Variants in TSG101 observed in about 807,000 individuals in gnomAD.
The protein encoded by TSG101 is tumor susceptibility gene 101 protein.
A neutral mutation model predicts 48.5 loss-of-function variants in TSG101; 19 were observed. The ratio of observed to expected loss-of-function variants is 0.39; its 90% CI spans 0.27 to 0.58. The LOEUF is 0.58. TSG101 is among the 20% of genes least tolerant of loss of function. TSG101 has a pLI of 0.55. For missense variants in TSG101, 365 were observed against 484.4 expected, an observed-to-expected ratio of 0.75 and a Z score of 2.31; for synonymous variants, 174 against 169.4, an observed-to-expected ratio of 1.03 and a Z score of -0.21.
chr11:18,497,509 C>A lies in TSG101; in HGVS notation c.640+4977G>T, dbSNP rs148585509. Among the ~76,000 whole-genome samples, 898 of 152,276 alleles carry A rather than the reference C, an allele frequency of 5.9e-3. 9 individuals carry two copies. Among genetic ancestry groups the A allele is most frequent in the African/African-American group, 0.021 (866 of 41,560 alleles). ...CTGATTCCACATATACCATTTTCCA[C>A]ACATTTCTATTCTTTGGATATATGG... is the stretch of plus-strand genomic sequence containing the variant. On this transcript the variant is annotated intron_variant, in intron 7 of 9. Transcript: ENST00000251968.
At chr11:18,525,027 C>G (rs1202090385) in intron 1 of TSG101, among the ~76,000 whole-genome samples, 1 of 151,342 alleles carries the variant, frequency 6.6e-6, no homozygotes, top group African/African-American at 2.4e-5. Flanking sequence ...TCTCCCATCT[C>G]AGCCTCCCGA....
intron 8 of TSG101, among the ~76,000 whole-genome samples, chr11:18,483,323 C>A (rs775811742): frequency 2.6e-5 from 4 of 151,894 alleles, no homozygotes; most frequent in Non-Finnish European, 4.4e-5. Context: ...GGTGATACCC[C>A]GTCTCTACTA....
At chr11:18,501,716 T>C (rs4757669) in intron 7 of TSG101, among the ~76,000 whole-genome samples, 30,012 of 152,166 alleles carry the variant, frequency 0.2, 3,094 homozygotes, top group East Asian at 0.25. Context: ...ATAGTCATTT[T>C]TACAATATTA....
At chr11:18,503,655 A>G (rs1052065385) in intron 6 of TSG101, among the ~76,000 whole-genome samples, 2 of 152,092 alleles carry the variant, frequency 1.3e-5, no homozygotes, top group East Asian at 3.9e-4. Context: ...TACAGCTGTG[A>G]GCCACCGCAC....
intron 7 of TSG101, among the ~76,000 whole-genome samples, chr11:18,486,877 A>G (rs1849627638): frequency 6.6e-6 from 1 of 152,106 alleles, no homozygotes; most frequent in African/African-American, 2.4e-5. Context: ...CCAAATGTCC[A>G]ACAATGATAG....
chr11:18,500,355 G>T (rs1410270290), intron 7 of TSG101, among the ~76,000 whole-genome samples: 1 of 152,166 alleles, frequency 6.6e-6, no homozygotes, highest in Non-Finnish European at 1.5e-5. Flanking sequence ...CAGTGGGATT[G>T]CTGAACTGTC....
At chr11:18,490,970 G>A (rs1408840415) in intron 7 of TSG101, 1 of 265,488 alleles carries the variant, frequency 3.8e-6, no homozygotes, top group Non-Finnish European at 7.8e-6. Flanking sequence ...CCCGTGGGAG[G>A]GCTGCAGGGG....
intron 2 of TSG101, among the ~76,000 whole-genome samples, chr11:18,516,526 A>G (rs1311130044): frequency 1.3e-5 from 2 of 151,830 alleles, no homozygotes; most frequent in Non-Finnish European, 2.9e-5. Context: ...TTGTATCTTT[A>G]GTAGAGATGG....
At chr11:18,494,263 C>T (rs868816206) in intron 7 of TSG101, among the ~76,000 whole-genome samples, 19 of 152,090 alleles carry the variant, frequency 1.2e-4, no homozygotes, top group South Asian at 8.3e-4. Context: ...TAGGCATAAG[C>T]ACAAAAGCCA....
Position 18,484,017 on chromosome 11 carries a change from A to G in TSG101, c.696T>C (p.Ser232=). The G allele has an allele frequency of 2.5e-6, 4 of 1,614,206 alleles. No individual in the cohort carries two copies. Among genetic ancestry groups the G allele is most frequent in the Non-Finnish European group, 3.4e-6 (4 of 1,180,028 alleles). The change falls in exon 8 of 10, where the codon TCT becomes TCC. Residue 232 remains serine (S), a synonymous_variant. Coordinates refer to ENST00000251968, the MANE Select transcript of TSG101 (RefSeq NM_006292.4). The part of the protein sequence containing the change: ...SEDTIRASLI[S]AVSDKLRWRM... Reference sequence around the variant, plus strand: ...GCCATCTCAGTTTGTCACTGACCGCAGAGATGAGAGAGGCTCGGATGGTGT... The same window carrying G: ...GCCATCTCAGTTTGTCACTGACCGCGGAGATGAGAGAGGCTCGGATGGTGT...
rs1397257524 is a variant in TSG101 at position 18,526,767 on chromosome 11, A to G, written c.42+8T>C. On this transcript the variant is annotated splice_region_variant and intron_variant, in intron 1 of 9. Coordinates refer to ENST00000251968, the MANE Select transcript of TSG101 (RefSeq NM_006292.4). The stretch of plus-strand genomic sequence containing the variant: ...GCGCCCTGGGAGGCGAGCGCGTCGC[A>G]GCCTCACCTTGGACACCATTTTCTT... The G allele has an allele frequency of 5.6e-6, 9 of 1,601,198 alleles. No individual in the cohort carries two copies. The Admixed American group carries it at 1.5e-4, about 27-fold the overall frequency.
intron 5 of TSG101, among the ~76,000 whole-genome samples, chr11:18,508,111 G>A (rs1850005601): frequency 6.6e-6 from 1 of 150,808 alleles, no homozygotes; most frequent in African/African-American, 2.4e-5. Flanking sequence ...AAAAAAAGTT[G>A]CTTAGGAGAC....
intron 9 of TSG101, 135 bp from the exon 10 acceptor site, chr11:18,480,770 A>T: frequency 1.5e-6 from 1 of 678,890 alleles, no homozygotes; most frequent in South Asian, 1.9e-5. Context: ...TGAATACCTC[A>T]TTATATGTGG....
At chr11:18,510,289 T>C (rs994189624) in intron 4 of TSG101, among the ~76,000 whole-genome samples, 1 of 152,014 alleles carries the variant, frequency 6.6e-6, no homozygotes, top group Non-Finnish European at 1.5e-5. Flanking sequence ...GGTGTGGTGA[T>C]GTGCGTCTAT....
chr11:18,498,188 G>A (rs1367885412), intron 7 of TSG101, among the ~76,000 whole-genome samples: 1 of 152,182 alleles, frequency 6.6e-6, no homozygotes, highest in Non-Finnish European at 1.5e-5. Context: ...AGACCAGTAG[G>A]AGATGAGGTC....
At chr11:18,499,372 T>A (rs1335981463) in intron 7 of TSG101, among the ~76,000 whole-genome samples, 11 of 52,856 alleles carry the variant, frequency 2.1e-4, no homozygotes, top group Admixed American at 1.4e-3. Flanking sequence ...ATAAATATGT[T>A]TATATTTAAA....
chr11:18,526,721 G>C, intron 1 of TSG101, 54 bp downstream of exon 1: 2 of 1,579,866 alleles, frequency 1.3e-6, no homozygotes, highest in South Asian at 1.1e-5. Context: ...ACTCGACAGG[G>C]CGCGGAAGGG....
intron 7 of TSG101, chr11:18,490,483 G>T: frequency 2.0e-6 from 1 of 501,888 alleles, no homozygotes; most frequent in East Asian, 4.6e-5. Context: ...GGATGTGTAG[G>T]CTGCATTTCT....
At chr11:18,518,210 C>T (rs530269344) in intron 2 of TSG101, among the ~76,000 whole-genome samples, 70 of 152,280 alleles carry the variant, frequency 4.6e-4, no homozygotes, top group African/African-American at 1.0e-3. Flanking sequence ...GAGAAGGAAT[C>T]GTGTCCTAGG....
Sources: gnomAD v4.1 joint callset for allele counts (sites outside exome capture counted in the v4.1 genomes callset) on GRCh38, gnomAD v4.1.1 for gene constraint, MANE v1.5 for transcripts, NCBI Gene and HGNC (gene_info 2026-07-23, HGNC 2026-07-21) for gene names.